Variants in PAK5 observed in about 807,000 individuals in gnomAD.
PAK5 encodes serine/threonine-protein kinase PAK 5.
Under a neutral mutation model 65.9 loss-of-function variants are expected in PAK5, and 16 were observed. The observed-to-expected ratio is 0.24, with a 90% CI of 0.16 to 0.37. The LOEUF (loss-of-function observed/expected upper bound fraction) is 0.37. Ranked by LOEUF, PAK5 falls within the 10% of genes least tolerant of loss-of-function variation. The pLI, the probability that PAK5 is intolerant of heterozygous loss-of-function variation, is 1.00. For missense variants in PAK5, 785 were observed against 903.9 expected (o/e 0.87, Z 1.69); for synonymous variants, 371 against 354.9 (o/e 1.05, Z -0.51).
intron 7 of PAK5, among the ~76,000 whole-genome samples, chr20:9,551,454 C>T (rs1241190025): frequency 6.6e-6 from 1 of 152,170 alleles, no homozygotes; most frequent in East Asian, 1.9e-4. Context: ...AACATGAGAT[C>T]CTATCCATCT....
intron 1 of PAK5, among the ~76,000 whole-genome samples, chr20:9,754,423 G>A (rs2048610376): frequency 6.6e-6 from 1 of 152,062 alleles, no homozygotes; most frequent in Admixed American, 6.6e-5. Context: ...CTTCTGTTGA[G>A]TCCATTCCTG....
intron 1 of PAK5, among the ~76,000 whole-genome samples, chr20:9,779,053 T>C (rs1468332771): frequency 1.3e-5 from 2 of 152,154 alleles, no homozygotes; most frequent in Non-Finnish European, 2.9e-5. Flanking sequence ...TCTCTTTTTT[T>C]CATGAAATGA....
intron 1 of PAK5, among the ~76,000 whole-genome samples, chr20:9,742,501 C>G (rs546860841): frequency 1.3e-5 from 2 of 152,194 alleles, no homozygotes; most frequent in East Asian, 3.9e-4. Flanking sequence ...TGATCACTCT[C>G]TTAGCTGAAG....
intron 3 of PAK5, among the ~76,000 whole-genome samples, chr20:9,601,986 A>C (rs1480274940): frequency 6.6e-6 from 1 of 152,148 alleles, no homozygotes; most frequent in African/African-American, 2.4e-5. Flanking sequence ...GCTATGTAGC[A>C]TTTTGGCAAC....
At chr20:9,738,106 A>T (rs2048410386) in intron 1 of PAK5, among the ~76,000 whole-genome samples, 1 of 152,018 alleles carries the variant, frequency 6.6e-6, no homozygotes, top group Non-Finnish European at 1.5e-5. Context: ...GCACAACTGT[A>T]CTCCAGCCTG....
chr20:9,825,356 T>C (rs761227), intron 1 of PAK5, among the ~76,000 whole-genome samples: 89,764 of 151,972 alleles, frequency 0.59, 27,102 homozygotes, highest in African/African-American at 0.7. Context: ...TATTCTTAGT[T>C]GCCCTGGGTG....
In PAK5 at chr20:9,780,313, T is replaced by C. The variant is rs535599649; in HGVS notation, c.-162+58449A>G. Among the ~76,000 whole-genome samples the C allele has an allele frequency of 2.1e-3, 323 of 152,186 alleles. 1 individual carries two copies. The highest frequency in any genetic ancestry group is 7.4e-3 in the African/African-American group (308 of 41,560). On this transcript the variant is annotated intron_variant, in intron 1 of 9. Coordinates refer to ENST00000353224, the MANE Select transcript of PAK5 (RefSeq NM_177990.4). ...CATAATAGGGTGCAATTTGGAAAGT[T>C]AGGCCAAAATTTACCAAGGAAAAAA...
rs865828765 is a variant in PAK5 at position 9,645,362 on chromosome 20, T to A, written c.-11-1023A>T. On this transcript the variant is annotated intron_variant, in intron 2 of 9. Transcript: ENST00000353224. ...GATGTTGAAAACACATAAGGTAACCTGGGTTTGCATCCCAGCTAGGTCACC... is the reference window on the plus strand; with the variant it reads ...GATGTTGAAAACACATAAGGTAACCAGGGTTTGCATCCCAGCTAGGTCACC... 5.9e-5 allele frequency among the ~76,000 whole-genome samples: 9 copies of A among 152,368 alleles called. 1 individual carries two copies. In the South Asian group the frequency reaches 8.3e-4, roughly 14 times the overall value.
chr20:9,588,975 C>T (rs2046118304), intron 3 of PAK5, among the ~76,000 whole-genome samples: 1 of 152,172 alleles, frequency 6.6e-6, no homozygotes, highest in Non-Finnish European at 1.5e-5. Context: ...GCTGTCTCCC[C>T]TTGTTCCCCG....
At chr20:9,666,881 G>A (rs559765709) in intron 2 of PAK5, among the ~76,000 whole-genome samples, 20 of 152,296 alleles carry the variant, frequency 1.3e-4, no homozygotes, top group African/African-American at 4.6e-4. Context: ...GACAGATCTA[G>A]TCTTCCACAT....
At chr20:9,638,665 A>C (rs1162361228) in intron 3 of PAK5, among the ~76,000 whole-genome samples, 1 of 152,190 alleles carries the variant, frequency 6.6e-6, no homozygotes, top group Non-Finnish European at 1.5e-5. Context: ...CAAACTCTTC[A>C]GGTGATTCTG....
chr20:9,629,378 G>T (rs2046891847), intron 3 of PAK5, among the ~76,000 whole-genome samples: 1 of 152,156 alleles, frequency 6.6e-6, no homozygotes, highest in East Asian at 1.9e-4. Flanking sequence ...TGCTTGGGCT[G>T]CTATAACAAA....
At chr20:9,713,256 A>C (rs1248868069) in intron 1 of PAK5, among the ~76,000 whole-genome samples, 2 of 152,172 alleles carry the variant, frequency 1.3e-5, no homozygotes, top group African/African-American at 4.8e-5. Flanking sequence ...CAGGTGTTTG[A>C]AAAAATGCTC....
intron 3 of PAK5, among the ~76,000 whole-genome samples, chr20:9,592,834 G>A (rs1282809848): frequency 3.9e-5 from 6 of 152,150 alleles, no homozygotes; most frequent in East Asian, 1.9e-4. Context: ...GTCAAAGACT[G>A]AAAGTCTAAG....
chr20:9,538,296 A>T lies in PAK5; in HGVS notation c.*1166T>A, dbSNP rs948902184. 7.3e-5 allele frequency: 17 copies of T among 233,588 alleles called. No homozygotes were observed. The highest frequency in any genetic ancestry group is 1.3e-4 in the Non-Finnish European group (15 of 118,066). The allele number at this position is 233,588 out of a possible 1,614,324, so 14.5% of individuals were successfully genotyped here. A position where few individuals can be genotyped will look rare whatever the true frequency, so the allele number is the denominator to read the frequency against. Reference sequence around the variant, plus strand: ...TACCTGGTAAAATACCCTCTTGCTAATTCATCCTCTAGAGTCAGTTCAGAC... The same window carrying T: ...TACCTGGTAAAATACCCTCTTGCTATTTCATCCTCTAGAGTCAGTTCAGAC... On this transcript the variant is annotated 3_prime_UTR_variant, in exon 10 of 10. Transcript: ENST00000353224.
chr20:9,787,441 A>G (rs2049003891), intron 1 of PAK5, among the ~76,000 whole-genome samples: 1 of 152,136 alleles, frequency 6.6e-6, no homozygotes, highest in South Asian at 2.1e-4. Context: ...CTTTTAAATT[A>G]TATCCCAATA....
chr20:9,600,001 A>T (rs925683489), intron 3 of PAK5, among the ~76,000 whole-genome samples: 1 of 152,058 alleles, frequency 6.6e-6, no homozygotes, highest in African/African-American at 2.4e-5. Context: ...TTACATTTTG[A>T]CCCATTTTGA....
chr20:9,642,791 C>T (rs535369381), intron 3 of PAK5, among the ~76,000 whole-genome samples: 2 of 152,262 alleles, frequency 1.3e-5, no homozygotes, highest in South Asian at 4.1e-4. Flanking sequence ...AAAGCTTTAT[C>T]TTCTCAAATA....
intron 1 of PAK5, among the ~76,000 whole-genome samples, chr20:9,821,285 G>T (rs563632909): frequency 1.3e-5 from 2 of 152,244 alleles, no homozygotes; most frequent in East Asian, 3.9e-4. Context: ...GGAGGCTGAG[G>T]TGGGAGAATT....
Sources: gnomAD v4.1 joint callset for allele counts (sites outside exome capture counted in the v4.1 genomes callset) on GRCh38, gnomAD v4.1.1 for gene constraint, MANE v1.5 for transcripts, NCBI Gene and HGNC (gene_info 2026-07-23, HGNC 2026-07-21) for gene names.